CNTNAP2: variants seen among roughly 807,000 people sequenced by gnomAD.
CNTNAP2 encodes the protein contactin associated protein 2.
CNTNAP2 carries 98 observed loss-of-function variants against 155.2 expected under a neutral mutation model. The ratio of observed to expected loss-of-function variants is 0.63; its 90% CI spans 0.54 to 0.75. The LOEUF (loss-of-function observed/expected upper bound fraction) is 0.75. Among genes scored for constraint, CNTNAP2 ranks in the 30% least tolerant of loss-of-function variants. The pLI, the probability that CNTNAP2 is intolerant of heterozygous loss-of-function variation, is 0.00. For missense variants in CNTNAP2, 1,727 were observed against 1,688.1 expected (o/e 1.02, Z -0.40); for synonymous variants, 651 against 631.2 (o/e 1.03, Z -0.47).
intron 1 of CNTNAP2, among the ~76,000 whole-genome samples, chr7:146,711,787 A>G (rs1298500653): frequency 7.8e-6 from 1 of 128,694 alleles, no homozygotes; most frequent in African/African-American, 2.5e-5. Context: ...CATCTTATGT[A>G]TACATATATA....
intron 8 of CNTNAP2, among the ~76,000 whole-genome samples, chr7:147,258,638 G>A (rs1178397246): frequency 6.6e-6 from 1 of 152,136 alleles, no homozygotes; most frequent in Non-Finnish European, 1.5e-5. Flanking sequence ...GCTTATAGGT[G>A]AAAAAGAGTC....
chr7:146,468,282 A>G (rs999420501), intron 1 of CNTNAP2, among the ~76,000 whole-genome samples: 5 of 152,156 alleles, frequency 3.3e-5, no homozygotes. Flanking sequence ...GACGACTACT[A>G]GAGCAGGGAG....
chr7:147,770,062 C>T lies in CNTNAP2; in HGVS notation c.2098+130756C>T, dbSNP rs73458225. ...CTTATGTGTGTGTGTGTGAGAGACA[C>T]GATATACACCTGTCCTTTTGAGCAA... On this transcript the variant is annotated intron_variant, in intron 13 of 23. Coordinates refer to ENST00000361727, the MANE Select transcript of CNTNAP2 (RefSeq NM_014141.6). Among the ~76,000 whole-genome samples, 465 of 152,164 alleles carry T rather than the reference C, an allele frequency of 3.1e-3. 1 individual carries two copies. The highest frequency in any genetic ancestry group is 0.011 in the African/African-American group (450 of 41,544).
At chr7:146,940,313 C>G (rs1316484243) in intron 3 of CNTNAP2, among the ~76,000 whole-genome samples, 1 of 152,054 alleles carries the variant, frequency 6.6e-6, no homozygotes, top group Non-Finnish European at 1.5e-5. Context: ...TCTCTTGCCT[C>G]AGCCTCCCTA....
At chr7:147,471,767 A>G (rs1458362506) in intron 10 of CNTNAP2, among the ~76,000 whole-genome samples, 1 of 152,212 alleles carries the variant, frequency 6.6e-6, no homozygotes, top group South Asian at 2.1e-4. Flanking sequence ...CATGTTCCCT[A>G]CTCTCATGGA....
At chr7:146,387,023 A>G (rs1361573120) in intron 1 of CNTNAP2, among the ~76,000 whole-genome samples, 1 of 152,096 alleles carries the variant, frequency 6.6e-6, no homozygotes, top group Non-Finnish European at 1.5e-5. Context: ...CTCACCCAAA[A>G]CAAACCCCAA....
chr7:146,285,061 T>C (rs181262522), intron 1 of CNTNAP2, among the ~76,000 whole-genome samples: 2 of 152,336 alleles, frequency 1.3e-5, no homozygotes, highest in East Asian at 3.9e-4. Flanking sequence ...TAGATATTTC[T>C]TGGACATTTA....
chr7:148,035,476 C>A (rs2116469243), intron 15 of CNTNAP2, among the ~76,000 whole-genome samples: 1 of 152,148 alleles, frequency 6.6e-6, no homozygotes, highest in East Asian at 1.9e-4. Flanking sequence ...AGCTGTGGCT[C>A]AAGTGGGCCC....
At chr7:147,616,816 C>T (rs1285998648) in intron 12 of CNTNAP2, among the ~76,000 whole-genome samples, 2 of 152,024 alleles carry the variant, frequency 1.3e-5, no homozygotes, top group East Asian at 1.9e-4. Context: ...TGCTCATTGC[C>T]GTACCTCTAG....
intron 1 of CNTNAP2, among the ~76,000 whole-genome samples, chr7:146,305,365 G>T (rs550346793): frequency 6.6e-6 from 1 of 152,090 alleles, no homozygotes. Context: ...CTGATTTTTA[G>T]AATTTTCAGC....
At chr7:147,816,307 G>A (rs927799613) in intron 13 of CNTNAP2, among the ~76,000 whole-genome samples, 4 of 152,262 alleles carry the variant, frequency 2.6e-5, no homozygotes, top group Admixed American at 2.0e-4. Flanking sequence ...TCTGAGGATG[G>A]GGGATGGAGA....
intron 1 of CNTNAP2, among the ~76,000 whole-genome samples, chr7:146,339,199 G>C (rs576756119): frequency 2.0e-5 from 3 of 152,066 alleles, no homozygotes; most frequent in African/African-American, 7.2e-5. Context: ...CATTGTGTTT[G>C]TATTTGTCTC....
chr7:148,164,196 C>G (rs1805605475), intron 17 of CNTNAP2, among the ~76,000 whole-genome samples: 1 of 152,188 alleles, frequency 6.6e-6, no homozygotes, highest in South Asian at 2.1e-4. Context: ...CCTCGGCCTC[C>G]CAAAGTGCTG....
intron 1 of CNTNAP2, among the ~76,000 whole-genome samples, chr7:146,172,916 G>C (rs899441609): frequency 1.3e-5 from 2 of 152,200 alleles, no homozygotes; most frequent in Non-Finnish European, 2.9e-5. Context: ...ATTTACCAAT[G>C]AACCTGAGAG....
rs563022732 is a variant in CNTNAP2, at chr7:146,913,963, C to A, written c.402+74059C>A. ...TTGTAACATTCTTATGCCTTTGCAT[C>A]CTCACAGCTTAGCTCCCACTTATGA... On this transcript the variant is annotated intron_variant, in intron 3 of 23. Transcript: ENST00000361727. 3.9e-5 allele frequency among the ~76,000 whole-genome samples: 6 copies of A among 152,084 alleles called. No individual in the cohort carries two copies. The East Asian group carries it at 9.7e-4, about 25-fold the overall frequency.
chr7:147,129,539 A>T (rs1021101875), intron 7 of CNTNAP2, among the ~76,000 whole-genome samples: 4 of 152,206 alleles, frequency 2.6e-5, no homozygotes, highest in Non-Finnish European at 5.9e-5. Context: ...CAATTTTAGT[A>T]TGAGAGTTCC....
intron 8 of CNTNAP2, among the ~76,000 whole-genome samples, chr7:147,138,898 A>G (rs1801543019): frequency 6.6e-6 from 1 of 152,036 alleles, no homozygotes. Flanking sequence ...GTTGGATAAA[A>G]TGGAGGCAAA....
At chr7:148,171,233 G>A (rs962440176) in intron 17 of CNTNAP2, among the ~76,000 whole-genome samples, 1 of 152,166 alleles carries the variant, frequency 6.6e-6, no homozygotes, top group Non-Finnish European at 1.5e-5. Flanking sequence ...TGCCTAGTAT[G>A]TAGCCCTCAA....
chr7:148,237,982 A>G (rs189171901), intron 20 of CNTNAP2, among the ~76,000 whole-genome samples: 119 of 152,338 alleles, frequency 7.8e-4, no homozygotes, highest in African/African-American at 2.7e-3. Flanking sequence ...GCTTGCCCAC[A>G]TTGCCATTCT....
Sources: gnomAD v4.1 joint callset for allele counts (sites outside exome capture counted in the v4.1 genomes callset) on GRCh38, gnomAD v4.1.1 for gene constraint, MANE v1.5 for transcripts, NCBI Gene and HGNC (gene_info 2026-07-23, HGNC 2026-07-21) for gene names.